Variants in GDPD5 observed in about 807,000 individuals in gnomAD.
GDPD5 encodes the protein glycerophosphodiester phosphodiesterase domain containing 5.
A neutral mutation model predicts 75.1 loss-of-function variants in GDPD5; 48 were observed. The observed-to-expected ratio is 0.64, with a 90% CI of 0.51 to 0.81. The LOEUF (loss-of-function observed/expected upper bound fraction) is 0.81. GDPD5 is among the 40% of genes least tolerant of loss of function. GDPD5 has a pLI of 0.00. For missense variants in GDPD5, 706 were observed against 822.6 expected, an observed-to-expected ratio of 0.86 and a Z score of 1.73; for synonymous variants, 336 against 339.0, an observed-to-expected ratio of 0.99 and a Z score of 0.10.
At chr11:75,447,481 C>A (rs759958278) in intron 9 of GDPD5, among the ~76,000 whole-genome samples, 14 of 151,854 alleles carry the variant, frequency 9.2e-5, no homozygotes, top group Non-Finnish European at 1.9e-4. Context: ...TGCTTTACTA[C>A]CCCAGAAAAA....
intron 1 of GDPD5, among the ~76,000 whole-genome samples, chr11:75,514,099 T>A (rs1432446642): frequency 1.3e-5 from 2 of 152,038 alleles, no homozygotes; most frequent in Non-Finnish European, 2.9e-5. Flanking sequence ...TTCAGCTGAG[T>A]GGGTAGGAAG....
intron 1 of GDPD5, among the ~76,000 whole-genome samples, chr11:75,522,244 C>A (rs549729332): frequency 3.6e-4 from 55 of 152,320 alleles, no homozygotes; most frequent in African/African-American, 1.2e-3. Flanking sequence ...GTGGACATCA[C>A]AACCGTCATT....
chr11:75,503,240 C>A (rs944965800), intron 1 of GDPD5, among the ~76,000 whole-genome samples: 1 of 152,132 alleles, frequency 6.6e-6, no homozygotes, highest in East Asian at 1.9e-4. Flanking sequence ...AGGCTGGTCT[C>A]GAACTCCTGA....
At chr11:75,449,755 G>A in intron 7 of GDPD5, 130 bp downstream of exon 7, 1 of 1,239,652 alleles carries the variant, frequency 8.1e-7, no homozygotes, top group East Asian at 2.4e-5. Context: ...GGACCCTGGT[G>A]TCCTCCCTAG....
chr11:75,459,360 G>T (rs1329837449), intron 4 of GDPD5, among the ~76,000 whole-genome samples: 9 of 145,926 alleles, frequency 6.2e-5, no homozygotes, highest in Non-Finnish European at 1.3e-4. Context: ...TTTGAGACAG[G>T]GTCTTGCTAT....
chr11:75,446,141 G>A (rs1020917481), intron 9 of GDPD5, among the ~76,000 whole-genome samples: 6 of 152,336 alleles, frequency 3.9e-5, no homozygotes, highest in Non-Finnish European at 5.9e-5. Context: ...AGGGGTCCAC[G>A]CTCCCTGCTG....
At position 75,441,730 on chromosome 11, in the gene GDPD5, G is replaced by A; in HGVS notation, c.1241C>T (p.Ser414Phe). Residue 414 changes from serine to phenylalanine, a missense_variant, in exon 13 of 17, where the codon TCC becomes TTC. Physicochemically the swap from Ser to Phe is radical, Grantham distance 155. Coordinates refer to ENST00000336898, the MANE Select transcript of GDPD5 (RefSeq NM_030792.8). Reference sequence around the variant, plus strand: ...CCGCAGGCTGGCGACTGCCTCCTTGGAGCCTGATGTCTGTTGGAAGCCGGG... The same window carrying A: ...CCGCAGGCTGGCGACTGCCTCCTTGAAGCCTGATGTCTGTTGGAAGCCGGG... ...VAPGFQQTSG[S>F]KEAVASLRRG... The A allele has an allele frequency of 6.2e-7, 1 of 1,611,784 alleles. No individual in the cohort carries two copies. Among genetic ancestry groups the A allele is most frequent in the Non-Finnish European group, 8.5e-7 (1 of 1,179,904 alleles).
At chr11:75,515,305 C>T (rs1324294470) in intron 1 of GDPD5, among the ~76,000 whole-genome samples, 4 of 152,258 alleles carry the variant, frequency 2.6e-5, no homozygotes, top group Non-Finnish European at 5.9e-5. Flanking sequence ...TGCAAAGTGT[C>T]ATATCTTCTG....
intron 1 of GDPD5, among the ~76,000 whole-genome samples, chr11:75,524,810 CAAG>C (rs944371839): frequency 2.0e-5 from 3 of 150,716 alleles, no homozygotes; most frequent in African/African-American, 7.4e-5. Flanking sequence ...GAGCGGGAGG[CAAG>C]AAGAAGCCAC....
chr11:75,480,713 T>C (rs746945905), intron 2 of GDPD5, among the ~76,000 whole-genome samples: 1 of 152,192 alleles, frequency 6.6e-6, no homozygotes, highest in Non-Finnish European at 1.5e-5. Context: ...TCCAGGGACC[T>C]TGCTCTAACC....
At chr11:75,437,274 G>A (rs756885247) in intron 15 of GDPD5, 35 of 548,554 alleles carry the variant, frequency 6.4e-5, no homozygotes, top group South Asian at 1.9e-4. Context: ...CTCCAGAGCC[G>A]CCAGTCAGCA....
intron 15 of GDPD5, chr11:75,438,638 A>G (rs1409883104): frequency 6.6e-6 from 1 of 152,424 alleles, no homozygotes; most frequent in Non-Finnish European, 1.5e-5. Flanking sequence ...CTAAGGCACT[A>G]GACGGAGGGA....
chr11:75,457,825 AGGCCACTACCT>A (rs1221181883), intron 4 of GDPD5, 39 bp from the exon 5 acceptor site: 1 of 1,506,356 alleles, frequency 6.6e-7, no homozygotes, highest in Non-Finnish European at 9.2e-7. Flanking sequence ...GACCTCCACC[AGGCCACTACCT>A]GGCCCAGGAA....
chr11:75,460,648 GT>G (rs1007406620), intron 4 of GDPD5, among the ~76,000 whole-genome samples: 2 of 152,036 alleles, frequency 1.3e-5, no homozygotes, highest in African/African-American at 4.8e-5. Flanking sequence ...GTTTTTTCAT[GT>G]TGTCCAGGCT....
chr11:75,467,160 A>C lies in GDPD5; in HGVS notation c.118-4271T>G, dbSNP rs1949533640. On this transcript the variant is annotated intron_variant, in intron 3 of 16. Transcript: ENST00000336898. ...ACCCTCAATCAAATTGTAATTGTGG[A>C]GATGGAAAGAGCACGGGCTCTAAAG... Among the ~76,000 whole-genome samples the C allele has an allele frequency of 2.0e-5, 3 of 152,182 alleles. No homozygotes were observed. In the South Asian group the frequency reaches 6.2e-4, roughly 32 times the overall value.
intron 1 of GDPD5, among the ~76,000 whole-genome samples, chr11:75,511,261 A>G (rs191141124): frequency 1.0e-3 from 154 of 152,336 alleles, no homozygotes; most frequent in Non-Finnish European, 1.4e-3. Flanking sequence ...CTGGGCCAGG[A>G]AACTAGCTCT....
intron 2 of GDPD5, among the ~76,000 whole-genome samples, chr11:75,481,049 G>A (rs917856826): frequency 2.0e-5 from 3 of 152,166 alleles, no homozygotes; most frequent in African/African-American, 7.2e-5. Context: ...CAGTGACTGG[G>A]CTCTAATGGC....
intron 5 of GDPD5, among the ~76,000 whole-genome samples, 177 bp from the exon 6 acceptor site, chr11:75,456,993 C>A (rs1949299419): frequency 6.6e-6 from 1 of 152,256 alleles, no homozygotes; most frequent in Non-Finnish European, 1.5e-5. Flanking sequence ...GACTAGCCAG[C>A]CTGAGCCTGG....
At position 75,491,135 on chromosome 11, in the gene GDPD5, C is replaced by T. The variant is rs115265826; in HGVS notation, c.-144-815G>A. ...TCTAGAGCCACACACCAGCAAGAAACACATAACCAAACACACACCTCTGTG... is the reference window on the plus strand; with the variant it reads ...TCTAGAGCCACACACCAGCAAGAAATACATAACCAAACACACACCTCTGTG... On this transcript the variant is annotated intron_variant, in intron 1 of 16. Coordinates refer to ENST00000336898, the MANE Select transcript of GDPD5 (RefSeq NM_030792.8). Among the ~76,000 whole-genome samples, 862 of 152,264 alleles carry T rather than the reference C, an allele frequency of 5.7e-3. 5 individuals carry two copies. The highest frequency in any genetic ancestry group is 0.019 in the African/African-American group (799 of 41,540).
Sources: gnomAD v4.1 joint callset for allele counts (sites outside exome capture counted in the v4.1 genomes callset) on GRCh38, gnomAD v4.1.1 for gene constraint, MANE v1.5 for transcripts, NCBI Gene and HGNC (gene_info 2026-07-23, HGNC 2026-07-21) for gene names.